The following TET1 variants were observed in gnomAD, a reference collection of about 807,000 sequenced individuals.
The protein encoded by TET1 is tet methylcytosine dioxygenase 1.
TET1 carries 13 observed loss-of-function variants against 148.7 expected under a neutral mutation model. The observed-to-expected ratio is 0.09, with a 90% CI of 0.06 to 0.14. The LOEUF (loss-of-function observed/expected upper bound fraction) is 0.14. TET1 is among the 10% of genes least tolerant of loss of function. The pLI is 1.00. For synonymous variants in TET1, 907 were observed against 937.2 expected (o/e 0.97, Z 0.59); for missense variants, 2,182 against 2,553.8 (o/e 0.85, Z 3.14).
intron 2 of TET1, among the ~76,000 whole-genome samples, chr10:68,594,804 C>T (rs978206402): frequency 6.6e-6 from 1 of 151,932 alleles, no homozygotes; most frequent in Admixed American, 6.6e-5. Flanking sequence ...CATAGTGAAA[C>T]CCTAACTCTA....
At chr10:68,657,024 CA>C (rs35763138) in intron 6 of TET1, among the ~76,000 whole-genome samples, 1,543 of 118,702 alleles carry the variant, frequency 0.013, 14 homozygotes, top group African/African-American at 0.032. Context: ...AGTCTAGCTC[CA>C]AAAAAAAAAA....
chr10:68,678,981 GCATGGCCAA>G (rs1294374805), intron 8 of TET1, among the ~76,000 whole-genome samples: 3 of 152,100 alleles, frequency 2.0e-5, no homozygotes, highest in Admixed American at 6.5e-5. Context: ...TTCAAGACCA[GCATGGCCAA>G]CATGGTGAAA....
chr10:68,610,151 C>T lies in TET1; in HGVS notation c.1968+9117C>T, dbSNP rs141189032. Among the ~76,000 whole-genome samples, 643 of 151,892 alleles carry T rather than the reference C, an allele frequency of 4.2e-3. 4 individuals carry two copies. The highest frequency in any genetic ancestry group is 0.015 in the African/African-American group (605 of 41,450). ...ACAAAAAATTAGCCAGGCGTGGTGG[C>T]GGGCGCCTGTAGTCCCAGCTACTTG... On this transcript the variant is annotated intron_variant, in intron 3 of 11. Coordinates refer to ENST00000373644, the MANE Select transcript of TET1 (RefSeq NM_030625.3).
intron 3 of TET1, among the ~76,000 whole-genome samples, chr10:68,644,386 G>C (rs553477751): frequency 6.6e-6 from 1 of 151,896 alleles, no homozygotes; most frequent in African/African-American, 2.4e-5. Flanking sequence ...TTGTATTTTT[G>C]GTAGAGACTG....
chr10:68,685,306 C>T (rs68098893), intron 10 of TET1, among the ~76,000 whole-genome samples: 15,970 of 152,186 alleles, frequency 0.1, 988 homozygotes, highest in South Asian at 0.17. Flanking sequence ...TCAAGTTCTA[C>T]CATGAATACA....
intron 3 of TET1, among the ~76,000 whole-genome samples, chr10:68,640,031 G>A (rs1376182881): frequency 1.3e-5 from 2 of 151,576 alleles, no homozygotes; most frequent in Non-Finnish European, 2.9e-5. Flanking sequence ...GAGTTCAAGC[G>A]ATTTTCATGC....
rs766364767 is a variant in TET1, at chr10:68,686,316, CCCGTATATCTTT to C, written c.5053-37_5053-26del. 4 of 1,513,288 alleles carry C rather than the reference CCCGTATATCTTT, an allele frequency of 2.6e-6. No individual in the cohort carries two copies. The South Asian group carries it at 5.1e-5, about 19-fold the overall frequency. The allele number at this position is 1,513,288 out of a possible 1,614,324, so 93.7% of individuals were successfully genotyped here. A position where few individuals can be genotyped will look rare whatever the true frequency, so the allele number is the denominator to read the frequency against. On this transcript the variant is annotated intron_variant, in intron 10 of 11. Transcript: ENST00000373644. ...GAATAGCCACAATGAATGTGCACGACCCGTATATCTTTCCCATTTCATGTTTTTCTCCCTATC... is the reference window on the plus strand; with the variant it reads ...GAATAGCCACAATGAATGTGCACGACCCCATTTCATGTTTTTCTCCCTATC...
intron 6 of TET1, among the ~76,000 whole-genome samples, chr10:68,659,375 TGGA>T (rs1461221168): frequency 6.6e-6 from 1 of 152,106 alleles, no homozygotes; most frequent in Non-Finnish European, 1.5e-5. Context: ...TTGCCCAGGG[TGGA>T]GTACAGTAGT....
At chr10:68,686,288 T>TAA in intron 10 of TET1, 68 bp from the exon 11 acceptor site, 1 of 1,346,962 alleles carries the variant, frequency 7.4e-7, no homozygotes, top group South Asian at 1.4e-5. Flanking sequence ...AACACGAAGG[T>TAA]AGGAATAGCC....
chr10:68,681,062 G>A (rs1018591209), intron 8 of TET1, among the ~76,000 whole-genome samples: 3 of 152,084 alleles, frequency 2.0e-5, no homozygotes, highest in Non-Finnish European at 2.9e-5. Context: ...CAGCAAGAAC[G>A]TTGTTTGCAT....
chr10:68,622,482 T>A (rs1393642186), intron 3 of TET1, among the ~76,000 whole-genome samples: 1 of 152,024 alleles, frequency 6.6e-6, no homozygotes, highest in Non-Finnish European at 1.5e-5. Flanking sequence ...GCCAGGCTGG[T>A]CTGGAACTCC....
intron 8 of TET1, chr10:68,674,824 A>C: frequency 2.1e-6 from 1 of 477,368 alleles, no homozygotes; most frequent in South Asian, 1.7e-5. Context: ...AGTTGATGGA[A>C]ATCATGACCC....
intron 10 of TET1, among the ~76,000 whole-genome samples, chr10:68,683,227 A>G (rs2055460413): frequency 6.6e-6 from 1 of 152,182 alleles, no homozygotes; most frequent in Admixed American, 6.5e-5. Flanking sequence ...TATGTTACAT[A>G]TTTAATTGTT....
At chr10:68,648,458 T>C (rs965197814) in intron 4 of TET1, among the ~76,000 whole-genome samples, 5 of 152,354 alleles carry the variant, frequency 3.3e-5, no homozygotes, top group African/African-American at 1.2e-4. Context: ...TTGTTTACCA[T>C]ACAACTATGT....
intron 6 of TET1, among the ~76,000 whole-genome samples, chr10:68,662,342 A>G (rs1434531490): frequency 4.6e-5 from 7 of 152,208 alleles, no homozygotes; most frequent in East Asian, 3.8e-4. Flanking sequence ...GAAACAAAAT[A>G]CTAAGCTAAG....
Position 68,565,832 on chromosome 10 carries a change from G to T in TET1, c.-123+5090G>T, listed in dbSNP as rs562952857. On this transcript the variant is annotated intron_variant, in intron 1 of 11. Transcript: ENST00000373644. ...TTGTGGGAGTCCTTATTTTGTTTCT[G>T]GTTGTCTCTGATTCTTTGGCTGGGT... is the stretch of plus-strand genomic sequence containing the variant. Among the ~76,000 whole-genome samples, 36 of 152,170 alleles carry T rather than the reference G, an allele frequency of 2.4e-4. No individual in the cohort carries two copies. In the East Asian group the frequency reaches 6.0e-3, roughly 25 times the overall value.
rs553697497 is a variant in TET1, at chr10:68,672,077, C to A, written c.4674-818C>A. On this transcript the variant is annotated intron_variant, in intron 7 of 11. Transcript: ENST00000373644. ...TTTATATAAAATATATATTGTTTTT[C>A]AATCCTTAGAAAATTATATCCGTCT... Among the ~76,000 whole-genome samples, 8 of 152,180 alleles carry A rather than the reference C, an allele frequency of 5.3e-5. 1 individual carries two copies. The South Asian group carries it at 1.7e-3, about 32-fold the overall frequency.
chr10:68,571,361 T>C (rs2053667896), intron 1 of TET1, among the ~76,000 whole-genome samples: 8 of 151,764 alleles, frequency 5.3e-5, no homozygotes, highest in Admixed American at 4.6e-4. Context: ...TGGAGTGCAA[T>C]GGCGCAATCT....
chr10:68,596,794 C>G (rs918088206), intron 2 of TET1, among the ~76,000 whole-genome samples: 1 of 152,044 alleles, frequency 6.6e-6, no homozygotes, highest in Admixed American at 6.6e-5. Context: ...TAGGATGAGC[C>G]TTGGCTTTAT....
Sources: allele counts gnomAD v4.1 joint callset (sites outside exome capture counted in the v4.1 genomes callset), GRCh38; gene constraint gnomAD v4.1.1; transcripts MANE v1.5; gene names NCBI Gene and HGNC (gene_info 2026-07-23, HGNC 2026-07-21).